Variants in PUM3 observed in about 807,000 individuals in gnomAD.
The protein encoded by PUM3 is pumilio RNA binding family member 3, also known as pumilio homolog 3.
Under a neutral mutation model 84.0 loss-of-function variants are expected in PUM3, and 91 were observed. The observed-to-expected ratio is 1.08, with a 90% CI of 0.91 to 1.29. The LOEUF is 1.29. Ranked by LOEUF, PUM3 falls within the 50% of genes most tolerant of loss-of-function variation. PUM3 has a pLI of 0.00. For synonymous variants in PUM3, 321 were observed against 266.7 expected, an observed-to-expected ratio of 1.20 and a Z score of -1.98; for missense variants, 1,067 against 767.5, an observed-to-expected ratio of 1.39 and a Z score of -4.61.
chr9:2,843,721 G>C (rs1325153522), intron 1 of PUM3, among the ~76,000 whole-genome samples: 1 of 151,898 alleles, frequency 6.6e-6, no homozygotes, highest in Non-Finnish European at 1.5e-5. Context: ...TGGGACCACA[G>C]GCGCCCGCCA....
intron 8 of PUM3, among the ~76,000 whole-genome samples, chr9:2,828,995 C>A (rs1458619434): frequency 6.6e-6 from 1 of 152,208 alleles, no homozygotes; most frequent in Non-Finnish European, 1.5e-5. Context: ...GCCAGGCCAA[C>A]CAAGTTAACC....
At chr9:2,827,249 T>TTTA in intron 9 of PUM3, 98 bp from the exon 10 acceptor site, 1 of 763,540 alleles carries the variant, frequency 1.3e-6, no homozygotes. Context: ...TCTAAACAAG[T>TTTA]GAAATGGTTT....
intron 5 of PUM3, among the ~76,000 whole-genome samples, chr9:2,831,571 T>A (rs1345191394): frequency 6.6e-6 from 1 of 152,176 alleles, no homozygotes; most frequent in Non-Finnish European, 1.5e-5. Context: ...GAGGCAAGGA[T>A]AAATTTAACC....
chr9:2,822,775 TAATTATG>T (rs1444476203), intron 12 of PUM3, among the ~76,000 whole-genome samples: 1 of 148,750 alleles, frequency 6.7e-6, no homozygotes, highest in Non-Finnish European at 1.5e-5. Context: ...ATTCATATTA[TAATTATG>T]AATTATGAAA....
At chr9:2,819,403 C>T (rs1234077299) in intron 13 of PUM3, among the ~76,000 whole-genome samples, 1 of 152,156 alleles carries the variant, frequency 6.6e-6, no homozygotes, top group Non-Finnish European at 1.5e-5. Flanking sequence ...CTACACTGGA[C>T]TAGAAGGAAT....
chr9:2,816,604 C>T (rs1380957310), intron 13 of PUM3, among the ~76,000 whole-genome samples: 1 of 152,172 alleles, frequency 6.6e-6, no homozygotes, highest in Admixed American at 6.5e-5. Context: ...TGGTGCCCAC[C>T]ACCTTGCAGA....
At position 2,833,363 on chromosome 9, in the gene PUM3, A is replaced by G. The variant is rs767324178; in HGVS notation, c.510T>C (p.Ile170=). ...ATGAGTATATGCTACTTACAGTTTT[A>G]ATTTTCCCTTGAATCAACTTCTGCA... is the stretch of plus-strand genomic sequence containing the variant. ...SDLQKLIQGK[I]KTIAFAHDST... The change falls in exon 5 of 18, where the codon ATT becomes ATC. Residue 170 remains isoleucine (I), a synonymous_variant. Transcript: ENST00000397885. 5.7e-6 allele frequency: 9 copies of G among 1,572,704 alleles called. No individual in the cohort carries two copies. The East Asian group carries it at 1.4e-4, about 24-fold the overall frequency.
At chr9:2,837,471 C>T in intron 2 of PUM3, 70 bp from the exon 3 acceptor site, 2 of 1,019,110 alleles carry the variant, frequency 2.0e-6, no homozygotes, top group East Asian at 5.0e-5. Flanking sequence ...GGATTATATC[C>T]ATTACAGAAA....
intron 7 of PUM3, 140 bp from the exon 8 acceptor site, chr9:2,830,088 G>A: frequency 1.6e-6 from 1 of 641,794 alleles, no homozygotes; most frequent in Non-Finnish European, 2.6e-6. Flanking sequence ...GCATTGAGAA[G>A]CTGTGGCCAG....
At chr9:2,819,926 A>G in intron 13 of PUM3, 92 bp downstream of exon 13, 1 of 739,220 alleles carries the variant, frequency 1.4e-6, no homozygotes, top group South Asian at 1.9e-5. Context: ...GCACAGCTGC[A>G]AGTCTTTACA....
At chr9:2,833,684 TA>T (rs960592440) in intron 4 of PUM3, among the ~76,000 whole-genome samples, 54 of 141,260 alleles carry the variant, frequency 3.8e-4, no homozygotes, top group Admixed American at 3.7e-3. Context: ...ACTTCAGAAG[TA>T]AAAAAAATAA....
intron 1 of PUM3, among the ~76,000 whole-genome samples, chr9:2,840,726 C>A (rs898770153): frequency 6.6e-6 from 1 of 152,196 alleles, no homozygotes; most frequent in Non-Finnish European, 1.5e-5. Context: ...CCTTTTGACG[C>A]GGCCCAACTG....
intron 13 of PUM3, among the ~76,000 whole-genome samples, chr9:2,817,281 G>A (rs1418660442): frequency 6.6e-6 from 1 of 152,178 alleles, no homozygotes; most frequent in Admixed American, 6.5e-5. Context: ...AAATGATTTA[G>A]AATAGGGATG....
At chr9:2,840,284 C>T (rs1816235226) in intron 1 of PUM3, among the ~76,000 whole-genome samples, 1 of 152,204 alleles carries the variant, frequency 6.6e-6, no homozygotes, top group South Asian at 2.1e-4. Flanking sequence ...TAGATCCAAA[C>T]CACCAAGTCC....
intron 1 of PUM3, among the ~76,000 whole-genome samples, chr9:2,843,649 G>A (rs1586731588): frequency 6.8e-6 from 1 of 147,136 alleles, no homozygotes; most frequent in African/African-American, 2.5e-5. Flanking sequence ...CACGATCTTG[G>A]CTCACTGCAA....
chr9:2,837,150 T>A (rs1816144459), intron 3 of PUM3, 30 bp downstream of exon 3: 3 of 1,565,092 alleles, frequency 1.9e-6, no homozygotes, highest in Non-Finnish European at 2.6e-6. Context: ...GTTCAGGCAC[T>A]AGTTCAGGCA....
chr9:2,818,271 C>A (rs1036354580), intron 13 of PUM3, among the ~76,000 whole-genome samples: 1 of 152,166 alleles, frequency 6.6e-6, no homozygotes, highest in South Asian at 2.1e-4. Context: ...GGAAAGAGAT[C>A]GGCAAATCAG....
In PUM3 at chr9:2,808,316, A is replaced by G. The variant is rs375308647; in HGVS notation, c.1724-412T>C. On this transcript the variant is annotated intron_variant, in intron 16 of 17. Coordinates refer to ENST00000397885, the MANE Select transcript of PUM3 (RefSeq NM_014878.5). ...TCCTCATGGAGAAATGCTCACTCAC[A>G]AGGTGCCATGAACATAACACAGTGT... Among the ~76,000 whole-genome samples, 11 of 152,206 alleles carry G rather than the reference A, an allele frequency of 7.2e-5. No individual in the cohort carries two copies. The East Asian group carries it at 1.7e-3, about 24-fold the overall frequency.
Position 2,812,246 on chromosome 9 carries a change from C to T in PUM3, c.1386G>A (p.Leu462=), listed in dbSNP as rs888394204. ...AHTVREIIEV[L]QKGDGNAHSK... ...TGTGTGCATTTCCATCTCCTTTTTG[C>T]AGAACTTCAATGATTTCTCGTACTG... Residue 462 remains leucine (L), a synonymous_variant, in exon 14 of 18, where the codon CTG becomes CTA. Coordinates refer to ENST00000397885, the MANE Select transcript of PUM3 (RefSeq NM_014878.5). The T allele has an allele frequency of 6.2e-7, 1 of 1,613,650 alleles. No individual in the cohort carries two copies. Among genetic ancestry groups the T allele is most frequent in the East Asian group, 2.2e-5 (1 of 44,854 alleles).
Sources: allele counts gnomAD v4.1 joint callset (sites outside exome capture counted in the v4.1 genomes callset), GRCh38; gene constraint gnomAD v4.1.1; transcripts MANE v1.5; gene names NCBI Gene and HGNC (gene_info 2026-07-23, HGNC 2026-07-21).